The following LOXHD1 variants were observed in gnomAD, a reference collection of about 807,000 sequenced individuals.
LOXHD1 encodes lipoxygenase homology PLAT domains 1, also known as lipoxygenase homology domain-containing protein 1.
In LOXHD1, 205 loss-of-function variants were observed where a neutral mutation model predicts 248.2. The observed-to-expected ratio is 0.83, with a 90% CI of 0.74 to 0.93. The LOEUF (loss-of-function observed/expected upper bound fraction) is 0.93, where lower values mean the gene tolerates loss of function less well. Ranked by LOEUF, LOXHD1 falls within the 40% of genes least tolerant of loss-of-function variation. The pLI is 0.00. For missense variants in LOXHD1, 2,930 were observed against 2,971.6 expected, an observed-to-expected ratio of 0.99 and a Z score of 0.33; for synonymous variants, 1,113 against 1,162.8, an observed-to-expected ratio of 0.96 and a Z score of 0.87.
chr18:46,579,408 G>A (rs144618585), intron 13 of LOXHD1, among the ~76,000 whole-genome samples: 4 of 152,244 alleles, frequency 2.6e-5, no homozygotes, highest in African/African-American at 9.6e-5. Context: ...GAATCAGGGC[G>A]GGCCAGATAC....
chr18:46,576,243 CT>C (rs1290336349), intron 14 of LOXHD1, among the ~76,000 whole-genome samples: 1 of 152,240 alleles, frequency 6.6e-6, no homozygotes, highest in Non-Finnish European at 1.5e-5. Flanking sequence ...GCTCTTCCAT[CT>C]GGCATCCAGC....
intron 1 of LOXHD1, 79 bp downstream of exon 1, chr18:46,656,825 A>T: frequency 6.9e-7 from 1 of 1,453,888 alleles, no homozygotes; most frequent in South Asian, 1.3e-5. Flanking sequence ...TCTTAGAATG[A>T]CTCCCCATAG....
chr18:46,482,571 G>A (rs2032668025), intron 40 of LOXHD1, among the ~76,000 whole-genome samples: 1 of 152,230 alleles, frequency 6.6e-6, no homozygotes. Flanking sequence ...TCTGAGCAGA[G>A]GTCAGAACCT....
At chr18:46,623,860 G>A (rs1409896973) in intron 4 of LOXHD1, among the ~76,000 whole-genome samples, 1 of 152,256 alleles carries the variant, frequency 6.6e-6, no homozygotes, top group Non-Finnish European at 1.5e-5. Context: ...AGAGCCATGA[G>A]GGGGCCGGGC....
At chr18:46,479,634 T>C (rs1027710325) in intron 40 of LOXHD1, among the ~76,000 whole-genome samples, 1 of 152,040 alleles carries the variant, frequency 6.6e-6, no homozygotes, top group African/African-American at 2.4e-5. Context: ...CCACTCCAAA[T>C]TGCTAATATG....
At chr18:46,614,989 T>C (rs1440774557) in intron 5 of LOXHD1, among the ~76,000 whole-genome samples, 3 of 152,224 alleles carry the variant, frequency 2.0e-5, no homozygotes, top group Non-Finnish European at 2.9e-5. Flanking sequence ...CTAATTTCTT[T>C]AGTGATTACA....
At chr18:46,615,033 A>C (rs1033051579) in intron 5 of LOXHD1, among the ~76,000 whole-genome samples, 10 of 152,196 alleles carry the variant, frequency 6.6e-5, no homozygotes, top group Non-Finnish European at 1.3e-4. Context: ...GTATGTTCTT[A>C]AGAGAATCTT....
downstream of LOXHD1, chr18:46,477,238 G>C (rs866386525): frequency 1.6e-5 from 12 of 741,568 alleles, 1 homozygote; most frequent in Middle Eastern, 2.5e-3. Flanking sequence ...TACAGAAAAA[G>C]GAAATACAAA....
chr18:46,619,897 G>A (rs2144331828), intron 4 of LOXHD1, among the ~76,000 whole-genome samples: 1 of 152,340 alleles, frequency 6.6e-6, no homozygotes. Flanking sequence ...AGCTCCAGGA[G>A]GAGCAGCCAC....
chr18:46,514,059 C>A (rs895397372), intron 34 of LOXHD1, among the ~76,000 whole-genome samples: 1 of 152,172 alleles, frequency 6.6e-6, no homozygotes, highest in Non-Finnish European at 1.5e-5. Flanking sequence ...CTTGTGCATC[C>A]CCTACGAGAC....
chr18:46,584,562 G>T (rs1455194103), intron 12 of LOXHD1, among the ~76,000 whole-genome samples: 9 of 151,892 alleles, frequency 5.9e-5, no homozygotes, highest in Non-Finnish European at 1.3e-4. Flanking sequence ...GTGAAAAGAT[G>T]AATTAGTAAT....
At chr18:46,545,460 G>A (rs1050371526) in intron 22 of LOXHD1, 39 bp from the exon 23 acceptor site, 4 of 1,460,590 alleles carry the variant, frequency 2.7e-6, no homozygotes, top group Non-Finnish European at 2.8e-6. Flanking sequence ...ATTGTAGACT[G>A]TTCCTTTCAT....
chr18:46,598,934 A>G (rs1194489510), intron 8 of LOXHD1, among the ~76,000 whole-genome samples: 1 of 152,178 alleles, frequency 6.6e-6, no homozygotes, highest in Non-Finnish European at 1.5e-5. Flanking sequence ...ATTTGGCAAA[A>G]TAAATAAATA....
chr18:46,600,604 A>AAAGGAAGG (rs59983848), intron 8 of LOXHD1, among the ~76,000 whole-genome samples: 2 of 137,948 alleles, frequency 1.4e-5, no homozygotes, highest in African/African-American at 5.5e-5. Flanking sequence ...GTCCAAAAAA[A>AAAGGAAGG]AAGGAAGGAA....
At chr18:46,506,876 G>A (rs2034607827) in intron 36 of LOXHD1, among the ~76,000 whole-genome samples, 1 of 152,188 alleles carries the variant, frequency 6.6e-6, no homozygotes, top group Non-Finnish European at 1.5e-5. Flanking sequence ...CTCCTGGAGA[G>A]CAGGCTTGGG....
chr18:46,644,409 C>A (rs944420935), intron 2 of LOXHD1, among the ~76,000 whole-genome samples: 1 of 152,210 alleles, frequency 6.6e-6, no homozygotes, highest in South Asian at 2.1e-4. Flanking sequence ...AAAGGCCCTG[C>A]ACCCATGACG....
At position 46,641,995 on chromosome 18, in the gene LOXHD1, C is replaced by G; in HGVS notation, c.287G>C (p.Arg96Pro). 2 of 1,552,342 alleles carry G rather than the reference C, an allele frequency of 1.3e-6. No homozygotes were observed. Among genetic ancestry groups the G allele is most frequent in the Non-Finnish European group, 1.7e-6 (2 of 1,147,134 alleles). The change falls in exon 3 of 41, where the codon CGG becomes CCG. Residue 96 changes from arginine to proline, a missense_variant. Arg to Pro is a moderately radical substitution (Grantham distance 103). Transcript: ENST00000642948. ...GAGGCCCACATTGTTGGTTCTCACC[C>G]GGAACACATCGACGTTGCCCTTCTC... ...AFEKGNVDVF[R>P]VRTNNVGLIY...
chr18:46,622,404 G>C (rs965956502), intron 4 of LOXHD1, among the ~76,000 whole-genome samples: 3 of 152,160 alleles, frequency 2.0e-5, no homozygotes, highest in Non-Finnish European at 4.4e-5. Context: ...CTTTTCAACT[G>C]TTTAAAAAAC....
At chr18:46,536,651 C>T (rs908299400) in intron 26 of LOXHD1, among the ~76,000 whole-genome samples, 3 of 152,210 alleles carry the variant, frequency 2.0e-5, no homozygotes, top group Non-Finnish European at 4.4e-5. Context: ...GACTCACGCA[C>T]CATGACATCT....
Sources: gnomAD v4.1 joint callset for allele counts (sites outside exome capture counted in the v4.1 genomes callset) on GRCh38, gnomAD v4.1.1 for gene constraint, MANE v1.5 for transcripts, NCBI Gene and HGNC (gene_info 2026-07-23, HGNC 2026-07-21) for gene names.